The following RANBP17 variants were observed in gnomAD, a reference collection of about 807,000 sequenced individuals.
The protein encoded by RANBP17 is RAN binding protein 17.
In RANBP17, 158 loss-of-function variants were observed where a neutral mutation model predicts 141.2. The ratio of observed to expected loss-of-function variants is 1.12; its 90% CI spans 0.98 to 1.28. The LOEUF is 1.28. Ranked by LOEUF, RANBP17 falls within the 50% of genes most tolerant of loss-of-function variation. The probability of loss-of-function intolerance (pLI) is 0.00; values close to 1 mark genes in which losing one functional copy is unlikely to be tolerated. For missense variants in RANBP17, 1,438 were observed against 1,290.7 expected (o/e 1.11, Z -1.75); for synonymous variants, 430 against 450.0 (o/e 0.96, Z 0.56).
At chr5:171,258,118 T>TACACACACAC (rs34304503) in intron 24 of RANBP17, among the ~76,000 whole-genome samples, 16 of 128,298 alleles carry the variant, frequency 1.2e-4, no homozygotes, top group African/African-American at 4.1e-4. Context: ...AAAAAAAAAA[T>TACACACACAC]ACACACACAC....
intron 14 of RANBP17, among the ~76,000 whole-genome samples, chr5:171,086,431 G>A (rs1161585824): frequency 6.6e-6 from 1 of 151,114 alleles, no homozygotes; most frequent in East Asian, 1.9e-4. Context: ...TTCTCTTTTT[G>A]GTTGTGTCTC....
intron 14 of RANBP17, among the ~76,000 whole-genome samples, chr5:171,154,931 G>C (rs183019420): frequency 5.9e-5 from 9 of 151,600 alleles, no homozygotes; most frequent in Admixed American, 3.3e-4. Flanking sequence ...CGAAAAATTA[G>C]CCGGGCATGG....
rs145659018 is a variant in RANBP17, at chr5:171,197,524, G to T, written c.2039-2146G>T. 1.8e-3 allele frequency among the ~76,000 whole-genome samples: 268 copies of T among 152,252 alleles called. 2 individuals carry two copies. The highest frequency in any genetic ancestry group is 6.3e-3 in the African/African-American group (260 of 41,542). On this transcript the variant is annotated intron_variant, in intron 18 of 27. Transcript: ENST00000523189. ...ATTCTCCTTCACTGAGAAACTCAAAGATACACAGTCTCAGTGCCATAGAAG... is the reference window on the plus strand; with the variant it reads ...ATTCTCCTTCACTGAGAAACTCAAATATACACAGTCTCAGTGCCATAGAAG...
intron 24 of RANBP17, among the ~76,000 whole-genome samples, chr5:171,244,706 C>T (rs1765105805): frequency 6.6e-6 from 1 of 152,148 alleles, no homozygotes; most frequent in Non-Finnish European, 1.5e-5. Flanking sequence ...CTCGGCCTCC[C>T]AAATCACTGG....
intron 14 of RANBP17, among the ~76,000 whole-genome samples, chr5:171,110,102 C>A (rs1311764978): frequency 2.7e-5 from 4 of 150,702 alleles, no homozygotes; most frequent in Admixed American, 2.6e-4. Context: ...ATTTTTTTTT[C>A]TGATATGTTT....
At position 170,913,490 on chromosome 5, in the gene RANBP17, C is replaced by T. The variant is rs185747772; in HGVS notation, c.761-677C>T. Among the ~76,000 whole-genome samples, 617 of 152,044 alleles carry T rather than the reference C, an allele frequency of 4.1e-3. 5 individuals carry two copies. The highest frequency in any genetic ancestry group is 0.014 in the African/African-American group (595 of 41,516). On this transcript the variant is annotated intron_variant, in intron 7 of 27. Transcript: ENST00000523189. ...ACAGAAAAGATGGTATGATTAAGTC[C>T]AGCGAGTATTAGAAATGTGATGTAA...
chr5:170,972,453 C>T (rs1039094365), intron 14 of RANBP17, among the ~76,000 whole-genome samples: 3 of 152,034 alleles, frequency 2.0e-5, no homozygotes, highest in Non-Finnish European at 1.5e-5. Context: ...CTGAGTGTTG[C>T]AATTACAGGC....
chr5:170,958,559 G>A (rs542546796), intron 13 of RANBP17, among the ~76,000 whole-genome samples: 1 of 152,164 alleles, frequency 6.6e-6, no homozygotes, highest in Non-Finnish European at 1.5e-5. Flanking sequence ...GATGTCTTAC[G>A]TAAAATTACA....
chr5:170,931,411 A>G (rs9765393), intron 12 of RANBP17, among the ~76,000 whole-genome samples: 2,701 of 151,670 alleles, frequency 0.018, 72 homozygotes, highest in African/African-American at 0.061. Flanking sequence ...AAGCTCTTTA[A>G]TTAGATCCAA....
At chr5:170,893,681 T>C (rs890680802) in intron 4 of RANBP17, among the ~76,000 whole-genome samples, 2 of 151,880 alleles carry the variant, frequency 1.3e-5, no homozygotes, top group Non-Finnish European at 2.9e-5. Context: ...TAGTCCCAGC[T>C]ACTCGGGAGG....
chr5:170,969,745 A>G (rs546318209), intron 14 of RANBP17, among the ~76,000 whole-genome samples: 1 of 152,056 alleles, frequency 6.6e-6, no homozygotes, highest in South Asian at 2.1e-4. Context: ...AACTTTTAAT[A>G]TAAGGTAATT....
chr5:170,888,176 A>G (rs948309336), intron 3 of RANBP17, among the ~76,000 whole-genome samples: 1 of 151,970 alleles, frequency 6.6e-6, no homozygotes, highest in African/African-American at 2.4e-5. Flanking sequence ...TGTGTTCGGT[A>G]TGGTGTTCGG....
chr5:171,016,498 A>G (rs1175714016), intron 14 of RANBP17, among the ~76,000 whole-genome samples: 1 of 151,870 alleles, frequency 6.6e-6, no homozygotes, highest in Non-Finnish European at 1.5e-5. Flanking sequence ...TTTTCTATTT[A>G]TCCCATCTGG....
chr5:170,982,957 A>G, intron 14 of RANBP17: 1 of 332,304 alleles, frequency 3.0e-6, no homozygotes, highest in South Asian at 2.9e-5. Context: ...AAGAAAATGA[A>G]TTTCAACTTA....
At chr5:171,252,576 A>G in intron 24 of RANBP17, 1 of 1,354,256 alleles carries the variant, frequency 7.4e-7, no homozygotes, top group Non-Finnish European at 1.1e-6. Flanking sequence ...CCATGATTCT[A>G]GCTCCACACC....
At chr5:170,873,113 G>A (rs949009334) in intron 1 of RANBP17, among the ~76,000 whole-genome samples, 7 of 152,108 alleles carry the variant, frequency 4.6e-5, no homozygotes, top group African/African-American at 2.4e-5. Context: ...GTTTTGCCAC[G>A]TTGGCCAGAC....
chr5:170,919,337 GAATA>G (rs1772238159), intron 10 of RANBP17, 100 bp from the exon 11 acceptor site: 5 of 831,592 alleles, frequency 6.0e-6, no homozygotes, highest in Non-Finnish European at 7.0e-6. Context: ...TTTATAGTAA[GAATA>G]AAAGTTAATT....
At chr5:171,280,224 A>C (rs1239036859) in intron 25 of RANBP17, among the ~76,000 whole-genome samples, 1 of 152,070 alleles carries the variant, frequency 6.6e-6, no homozygotes. Context: ...CAACCTTTAC[A>C]TTCATTTCTC....
At chr5:171,046,627 A>C (rs1011267745) in intron 14 of RANBP17, among the ~76,000 whole-genome samples, 1 of 152,228 alleles carries the variant, frequency 6.6e-6, no homozygotes, top group African/African-American at 2.4e-5. Context: ...TACAGTAAAC[A>C]TGCTTATACA....
Sources: gnomAD v4.1 joint callset for allele counts (sites outside exome capture counted in the v4.1 genomes callset) on GRCh38, gnomAD v4.1.1 for gene constraint, MANE v1.5 for transcripts, NCBI Gene and HGNC (gene_info 2026-07-23, HGNC 2026-07-21) for gene names.